The following NKAIN3 variants were observed in gnomAD, a reference collection of about 807,000 sequenced individuals.
The protein encoded by NKAIN3 is sodium/potassium-transporting ATPase subunit beta-1-interacting protein 3.
In NKAIN3, 25 loss-of-function variants were observed where a neutral mutation model predicts 30.2. That is an observed-to-expected ratio of 0.83 (90% CI 0.60 to 1.16). The LOEUF is 1.16. Among genes scored for constraint, NKAIN3 ranks in the 50% most tolerant of loss-of-function variants. The pLI, the probability that NKAIN3 is intolerant of heterozygous loss-of-function variation, is 0.00. For missense variants in NKAIN3, 225 were observed against 254.1 expected (o/e 0.89, Z 0.78); for synonymous variants, 91 against 89.6 (o/e 1.02, Z -0.09).
chr8:62,404,220 T>C (rs1803986034), intron 1 of NKAIN3, among the ~76,000 whole-genome samples: 1 of 152,210 alleles, frequency 6.6e-6, no homozygotes, highest in Non-Finnish European at 1.5e-5. Flanking sequence ...AGAAGGAACT[T>C]GCCTTGTCTC....
intron 1 of NKAIN3, among the ~76,000 whole-genome samples, chr8:62,398,786 T>G (rs1817843917): frequency 6.6e-6 from 1 of 152,222 alleles, no homozygotes; most frequent in South Asian, 2.1e-4. Context: ...GAGTGGGTTG[T>G]GATGTTAAAT....
intron 1 of NKAIN3, among the ~76,000 whole-genome samples, chr8:62,415,378 G>A (rs1379153845): frequency 4.0e-5 from 6 of 148,408 alleles, no homozygotes; most frequent in South Asian, 4.2e-4. Flanking sequence ...AGAAAAGTCT[G>A]GATTATAATA....
intron 5 of NKAIN3, among the ~76,000 whole-genome samples, chr8:62,946,829 G>A (rs1016509620): frequency 1.3e-5 from 2 of 152,226 alleles, no homozygotes; most frequent in Admixed American, 6.5e-5. Flanking sequence ...AGCTTCCTGA[G>A]TCTTTTCTTT....
chr8:62,893,265 C>T (rs528173504), intron 4 of NKAIN3, among the ~76,000 whole-genome samples: 6 of 152,198 alleles, frequency 3.9e-5, no homozygotes, highest in African/African-American at 1.4e-4. Context: ...CAGTGGCCTG[C>T]AAATAGGGTG....
intron 3 of NKAIN3, among the ~76,000 whole-genome samples, chr8:62,692,834 C>A (rs906959219): frequency 1.3e-5 from 2 of 152,198 alleles, no homozygotes; most frequent in African/African-American, 4.8e-5. Context: ...GCTGTCAGAT[C>A]TATAGCCCTC....
chr8:62,888,461 G>A (rs1373235753), intron 4 of NKAIN3, among the ~76,000 whole-genome samples: 1 of 152,062 alleles, frequency 6.6e-6, no homozygotes. Context: ...ATCAATTACG[G>A]TCCAAAGTTT....
intron 4 of NKAIN3, among the ~76,000 whole-genome samples, chr8:62,870,374 A>G (rs545853585): frequency 1.5e-5 from 2 of 137,700 alleles, no homozygotes; most frequent in South Asian, 2.2e-4. Context: ...TACTAAATAT[A>G]TACACTATAT....
intron 4 of NKAIN3, among the ~76,000 whole-genome samples, chr8:62,808,862 C>A (rs1215961078): frequency 6.6e-6 from 1 of 152,090 alleles, no homozygotes; most frequent in Admixed American, 6.6e-5. Context: ...TGAGAGCAGA[C>A]AACTGGTCTG....
chr8:62,711,875 G>A (rs558129079), intron 3 of NKAIN3, among the ~76,000 whole-genome samples: 1 of 152,334 alleles, frequency 6.6e-6, no homozygotes, highest in East Asian at 1.9e-4. Context: ...GCCTCTGTAA[G>A]AGGGAATGTC....
At chr8:62,552,175 G>A (rs1051582242) in intron 1 of NKAIN3, among the ~76,000 whole-genome samples, 1 of 152,102 alleles carries the variant, frequency 6.6e-6, no homozygotes, top group African/African-American at 2.4e-5. Context: ...CAGTTGTAAT[G>A]TTTCTTGTTT....
chr8:62,941,029 G>A (rs1822941696), intron 5 of NKAIN3, among the ~76,000 whole-genome samples: 3 of 151,228 alleles, frequency 2.0e-5, no homozygotes, highest in African/African-American at 7.3e-5. Context: ...ACCAAGAAAA[G>A]AGAGAGAATC....
chr8:62,410,672 A>C (rs1485123394), intron 1 of NKAIN3, among the ~76,000 whole-genome samples: 3 of 152,230 alleles, frequency 2.0e-5, no homozygotes, highest in Non-Finnish European at 4.4e-5. Flanking sequence ...AGAAATGATA[A>C]GAATGACATT....
At chr8:62,567,195 T>C (rs958597429) in intron 1 of NKAIN3, among the ~76,000 whole-genome samples, 1 of 152,072 alleles carries the variant, frequency 6.6e-6, no homozygotes, top group Non-Finnish European at 1.5e-5. Flanking sequence ...AGTAATAGGG[T>C]TGGTCCTAGA....
intron 1 of NKAIN3, among the ~76,000 whole-genome samples, chr8:62,334,840 A>T (rs1815483189): frequency 6.6e-6 from 1 of 151,932 alleles, no homozygotes; most frequent in African/African-American, 2.4e-5. Flanking sequence ...GCTTGACTTA[A>T]TCTCTCTCAT....
At chr8:62,307,267 C>CAA (rs10598782) in intron 1 of NKAIN3, among the ~76,000 whole-genome samples, 20 of 107,922 alleles carry the variant, frequency 1.9e-4, no homozygotes, top group Non-Finnish European at 2.0e-4. Context: ...TCTCTTCTAG[C>CAA]AAAAAAAAAA....
At chr8:62,320,363 G>C (rs1298731461) in intron 1 of NKAIN3, among the ~76,000 whole-genome samples, 1 of 152,080 alleles carries the variant, frequency 6.6e-6, no homozygotes, top group East Asian at 1.9e-4. Context: ...GTGTGTATTT[G>C]ATCCTGTCAT....
At chr8:62,448,854 A>C (rs1452487603) in intron 1 of NKAIN3, among the ~76,000 whole-genome samples, 1 of 151,986 alleles carries the variant, frequency 6.6e-6, no homozygotes, top group Non-Finnish European at 1.5e-5. Flanking sequence ...GCACCATTTT[A>C]ATCAGGCTTC....
chr8:62,695,703 T>C (rs1814132150), intron 3 of NKAIN3, among the ~76,000 whole-genome samples: 1 of 152,186 alleles, frequency 6.6e-6, no homozygotes, highest in Non-Finnish European at 1.5e-5. Flanking sequence ...CTGTGCACAA[T>C]GCTAGCTATT....
chr8:62,586,388 T>TC (rs1396701675), intron 2 of NKAIN3, among the ~76,000 whole-genome samples: 1 of 152,196 alleles, frequency 6.6e-6, no homozygotes, highest in African/African-American at 2.4e-5. Context: ...CCATGTATCA[T>TC]TTTAAATAAT....
Sources: allele counts gnomAD v4.1 joint callset (sites outside exome capture counted in the v4.1 genomes callset), GRCh38; gene constraint gnomAD v4.1.1; transcripts MANE v1.5; gene names NCBI Gene and HGNC (gene_info 2026-07-23, HGNC 2026-07-21).